CIC: variants seen among roughly 807,000 people sequenced by gnomAD.
CIC encodes the protein protein capicua homolog.
A neutral mutation model predicts 115.7 loss-of-function variants in CIC; 18 were observed. The ratio of observed to expected loss-of-function variants is 0.16; its 90% confidence interval spans 0.11 to 0.23. CIC has a LOEUF of 0.23. Ranked by LOEUF, CIC falls within the 10% of genes least tolerant of loss-of-function variation. The pLI is 1.00. For synonymous variants in CIC, 1,076 were observed against 923.0 expected (o/e 1.17, Z -3.01); for missense variants, 2,000 against 2,159.3 (o/e 0.93, Z 1.46).
At chr19:42,289,742 A>T in intron 9 of CIC, 106 bp from the exon 10 acceptor site, 1 of 1,019,528 alleles carries the variant, frequency 9.8e-7, no homozygotes, top group South Asian at 1.4e-5. Flanking sequence ...CCTGGACAGC[A>T]CTCCCTGCCG....
At chr19:42,282,528 G>T (rs2037303842) in intron 2 of CIC, among the ~76,000 whole-genome samples, 1 of 152,232 alleles carries the variant, frequency 6.6e-6, no homozygotes, top group Non-Finnish European at 1.5e-5. Flanking sequence ...CTGTGTCTTT[G>T]TGTGAGCCCC....
chr19:42,271,721 C>G, intron 1 of CIC, 53 bp from the exon 2 acceptor site: 1 of 398,440 alleles, frequency 2.5e-6, no homozygotes, highest in East Asian at 3.6e-5. Flanking sequence ...TACACTGGCT[C>G]TGGAGAGGTT....
In CIC at chr19:42,290,916, G is replaced by C. The variant is rs1489020797; in HGVS notation, c.4875G>C (p.Arg1625=). ...GGACTGAAATGGGCACTGGGTCTCG[G>C]GTGCCTGGGGGCTCCCCGCTGGGTG... is the stretch of plus-strand genomic sequence containing the variant. ...GARTEMGTGS[R]VPGGSPLGVS... is the part of the protein sequence containing the mutation. Residue 1625 remains arginine (R), a synonymous_variant, in exon 11 of 21, where the codon CGG becomes CGC. Transcript: ENST00000681038. 6.2e-7 allele frequency: 1 copy of C among 1,613,548 alleles called. No homozygotes were observed. Among genetic ancestry groups the C allele is most frequent in the Non-Finnish European group, 8.5e-7 (1 of 1,180,012 alleles).
rs2036845918 is a variant in CIC at position 42,273,090 on chromosome 19, G to A, written c.1307G>A (p.Arg436His). 1 of 398,746 alleles carries A rather than the reference G, an allele frequency of 2.5e-6. No individual in the cohort carries two copies. 24.7% of individuals were successfully genotyped at this position (398,746 alleles called of 1,614,324 possible). Residue 436 changes from arginine to histidine, a missense_variant, in exon 2 of 21, where the codon CGC becomes CAC. By Grantham distance (29) the Arg-to-His change is conservative. This residue lies in a region of CIC where 222 missense variants were observed against 247.7 expected (regional missense o/e 0.90). Coordinates refer to ENST00000681038, the MANE Select transcript of CIC (RefSeq NM_001386298.1). The part of the protein sequence containing the change: ...PKSPAFVGPG[R>H]PGEQPSPCQE... ...TCTCCAGCCTTTGTGGGCCCCGGCC[G>A]CCCTGGCGAGCAGCCCTCGCCCTGC...
chr19:42,284,808 A>C (rs988148717), intron 2 of CIC: 4 of 1,519,404 alleles, frequency 2.6e-6, no homozygotes, highest in Admixed American at 3.9e-5. Flanking sequence ...GCAGGGGTCA[A>C]GGTGTCGGGG....
chr19:42,275,423 G>T (rs1317831979), intron 2 of CIC, among the ~76,000 whole-genome samples: 1 of 152,232 alleles, frequency 6.6e-6, no homozygotes, highest in African/African-American at 2.4e-5. Context: ...CTGCAACCGT[G>T]GGGTGGAAGA....
rs150215566 is a variant in CIC, at chr19:42,291,543, C to T, written c.5426-15C>T. 4.8e-4 allele frequency: 779 copies of T among 1,613,096 alleles called. 4 individuals are homozygous for T. The East Asian group carries it at 0.014, about 29-fold the overall frequency. On this transcript the variant is annotated splice_polypyrimidine_tract_variant and intron_variant, in intron 11 of 20. Coordinates refer to ENST00000681038, the MANE Select transcript of CIC (RefSeq NM_001386298.1). ...TCCCTTGTAACCTTTTCCTTTCTTGCCTCTTAACTTCCAGCCCAGTCAGTT... is the reference window on the plus strand; with the variant it reads ...TCCCTTGTAACCTTTTCCTTTCTTGTCTCTTAACTTCCAGCCCAGTCAGTT...
rs201078050 is a variant in CIC, at chr19:42,289,917, G to C, written c.4157G>C (p.Gly1386Ala). ...CKERVTDSES[G>A]DSSGEDPEGN... The stretch of plus-strand genomic sequence containing the variant: ...GAGCGGGTGACCGACAGCGAGAGTG[G>C]GGACAGCTCTGGGGAGGACCCAGAG... The change falls in exon 10 of 21, where the codon GGG becomes GCG. Residue 1386 changes from glycine (G) to alanine (A), a missense_variant. Transcript: ENST00000681038. 1.0e-4 allele frequency: 164 copies of C among 1,609,702 alleles called. 2 individuals are homozygous for C. The Admixed American group carries it at 2.7e-3, about 27-fold the overall frequency.
rs745444414 is a variant in CIC at position 42,291,144 on chromosome 19, G to A, written c.5103G>A (p.Ala1701=). 1.3e-5 allele frequency: 21 copies of A among 1,608,198 alleles called. No homozygotes were observed. Among genetic ancestry groups the A allele is most frequent in the South Asian group, 1.2e-4 (11 of 90,926 alleles). ...GGGCCCCTGGTGGTGGGACCACTGC[G>A]GGCTCAGGAGCAGGTGCTGGGAGTG... ...AQGAPGGGTT[A]GSGAGAGSGP... Residue 1701 remains alanine (A), a synonymous_variant, in exon 11 of 21, where the codon GCG becomes GCA. Coordinates refer to ENST00000681038, the MANE Select transcript of CIC (RefSeq NM_001386298.1).
In CIC at chr19:42,290,362, C is replaced by T. The variant is rs2037991336; in HGVS notation, c.4321C>T (p.Pro1441Ser). Residue 1441 changes from proline (P) to serine (S), a missense_variant, in exon 11 of 21, where the codon CCA becomes TCA. Transcript: ENST00000681038. Reference protein sequence around the residue: ...VAFGKGYGSAPSSSASSPASS... With the variant: ...VAFGKGYGSASSSSASSPASS... ...CTTTGGCAAAGGCTATGGTTCCGCC[C>T]CATCCTCCTCTGCGTCCTCGCCTGC... 1 of 1,614,148 alleles carries T rather than the reference C, an allele frequency of 6.2e-7. No individual in the cohort carries two copies. The highest frequency in any genetic ancestry group is 1.1e-5 in the South Asian group (1 of 91,090).
chr19:42,288,743 G>C (rs2037847403), intron 7 of CIC, 145 bp from the exon 8 acceptor site: 1 of 752,036 alleles, frequency 1.3e-6, no homozygotes, highest in Non-Finnish European at 2.3e-6. Context: ...CTGGTGGTGG[G>C]TGGTGGTTTT....
intron 2 of CIC, chr19:42,284,716 C>G: frequency 6.4e-7 from 1 of 1,552,840 alleles, no homozygotes; most frequent in East Asian, 2.4e-5. Flanking sequence ...TGTATTCGGC[C>G]CACAGGCCCC....
chr19:42,288,195 C>T (rs1367542692), intron 7 of CIC, among the ~76,000 whole-genome samples: 1 of 152,234 alleles, frequency 6.6e-6, no homozygotes, highest in African/African-American at 2.4e-5. Flanking sequence ...TCGTTATCAA[C>T]TGTTGTTTAA....
At position 42,290,927 on chromosome 19, in the gene CIC, G is replaced by C; in HGVS notation, c.4886G>C (p.Gly1629Ala). 2 of 1,613,566 alleles carry C rather than the reference G, an allele frequency of 1.2e-6. No individual in the cohort carries two copies. Among genetic ancestry groups the C allele is most frequent in the Non-Finnish European group, 1.7e-6 (2 of 1,180,012 alleles). ...GGCACTGGGTCTCGGGTGCCTGGGG[G>C]CTCCCCGCTGGGTGTCAGCTTAGTG... ...EMGTGSRVPG[G>A]SPLGVSLVYS... The change falls in exon 11 of 21, where the codon GGC (glycine) becomes GCC (alanine). Residue 1629 changes from glycine (G) to alanine (A), a missense_variant. Around this residue, in one of 8 missense-constraint regions of CIC, gnomAD observed 1,466 missense variants for 1,390.4 expected, o/e 1.05. Coordinates refer to ENST00000681038, the MANE Select transcript of CIC (RefSeq NM_001386298.1).
Position 42,293,717 on chromosome 19 carries a change from C to G in CIC, c.6648C>G (p.Ser2216Arg), listed in dbSNP as rs1374238376. ...PAPAVAPGGS[S>R]ESSSGRAAGD... ...CAGCTGTAGCCCCTGGTGGCAGCAG[C>G]GAGAGCAGCAGTGGGCGGGCAGCCG... Residue 2216 changes from serine to arginine, a missense_variant, in exon 17 of 21, where the codon AGC becomes AGG. Ser to Arg is a moderately radical substitution (Grantham distance 110). Around this residue, in one of 8 missense-constraint regions of CIC, gnomAD observed 1,466 missense variants for 1,390.4 expected, o/e 1.05. Coordinates refer to ENST00000681038, the MANE Select transcript of CIC (RefSeq NM_001386298.1). 6.2e-7 allele frequency: 1 copy of G among 1,612,856 alleles called. No individual in the cohort carries two copies. Among genetic ancestry groups the G allele is most frequent in the Admixed American group, 1.7e-5 (1 of 59,970 alleles).
rs1410493930 is a variant in CIC at position 42,273,071 on chromosome 19, G to A, written c.1288G>A (p.Ala430Thr). The change falls in exon 2 of 21, where the codon GCC becomes ACC. Residue 430 changes from alanine to threonine, a missense_variant. This residue lies in a region of CIC where 222 missense variants were observed against 247.7 expected (regional missense o/e 0.90). Coordinates refer to ENST00000681038, the MANE Select transcript of CIC (RefSeq NM_001386298.1). The part of the protein sequence containing the change: ...QLLSPPPKSP[A>T]FVGPGRPGEQ... ...CCTGTCACCACCACCCAAGTCTCCA[G>A]CCTTTGTGGGCCCCGGCCGCCCTGG... 5.0e-6 allele frequency: 2 copies of A among 398,808 alleles called. No individual in the cohort carries two copies. The highest frequency in any genetic ancestry group is 8.8e-5 in the Admixed American group (2 of 22,722). The allele number at this position is 398,808 out of a possible 1,614,324, so 24.7% of individuals were successfully genotyped here.
Position 42,292,554 on chromosome 19 carries a change from T to A in CIC, c.5903-12T>A, listed in dbSNP as rs1232923491. On this transcript the variant is annotated splice_polypyrimidine_tract_variant and intron_variant, in intron 14 of 20. Transcript: ENST00000681038. The stretch of plus-strand genomic sequence containing the variant: ...TAACTTGGTCTCCTGCTTCTTCTTC[T>A]CTGTCTTTCAGCAGGCCAAGCCCCA... The A allele has an allele frequency of 1.2e-6, 2 of 1,612,476 alleles. No individual in the cohort carries two copies. The highest frequency in any genetic ancestry group is 2.7e-5 in the African/African-American group (2 of 74,860).
chr19:42,292,231 C>CAG (rs755162930), intron 13 of CIC, 24 bp downstream of exon 13: 1 of 1,613,956 alleles, frequency 6.2e-7, no homozygotes, highest in African/African-American at 1.3e-5. Flanking sequence ...AGCCCATACT[C>CAG]AGAGGCCAGG....
Position 42,291,010 on chromosome 19 carries a change from C to T in CIC, c.4969C>T (p.Pro1657Ser). Residue 1657 changes from proline (P) to serine (S), a missense_variant, in exon 11 of 21, where the codon CCC becomes TCC. Coordinates refer to ENST00000681038, the MANE Select transcript of CIC (RefSeq NM_001386298.1). ...ACCAGCCCCACACTTGGTGGCTGGA[C>T]CCCTGCTGGGCACTGTGGGGAAGGC... ...TSPAPHLVAG[P>S]LLGTVGKAPA... 6.2e-7 allele frequency: 1 copy of T among 1,613,766 alleles called. No individual in the cohort carries two copies. Among genetic ancestry groups the T allele is most frequent in the Non-Finnish European group, 8.5e-7 (1 of 1,180,004 alleles).
Sources: gnomAD v4.1 joint callset for allele counts (sites outside exome capture counted in the v4.1 genomes callset) on GRCh38, gnomAD v4.1.1 for gene constraint, gnomAD v4.1.1 regional missense constraint, MANE v1.5 for transcripts, NCBI Gene and HGNC (gene_info 2026-07-23, HGNC 2026-07-21) for gene names.